GRID2: variants seen among roughly 807,000 people sequenced by gnomAD.
GRID2 encodes the protein glutamate ionotropic receptor delta type subunit 2.
GRID2 carries 33 observed loss-of-function variants against 114.8 expected under a neutral mutation model. That is an observed-to-expected ratio of 0.29 (90% CI 0.22 to 0.38). The LOEUF (loss-of-function observed/expected upper bound fraction) is 0.38, where lower values mean the gene tolerates loss of function less well. Among genes scored for constraint, GRID2 ranks in the 10% least tolerant of loss-of-function variants. GRID2 has a pLI of 1.00. For synonymous variants in GRID2, 505 were observed against 449.9 expected (o/e 1.12, Z -1.55); for missense variants, 1,184 against 1,257.7 (o/e 0.94, Z 0.89).
chr4:92,612,056 C>T (rs1280542441), intron 2 of GRID2, among the ~76,000 whole-genome samples: 2 of 151,198 alleles, frequency 1.3e-5, no homozygotes, highest in African/African-American at 4.8e-5. Flanking sequence ...AGAATATATT[C>T]CAAGGTCATT....
At chr4:92,753,707 C>A (rs1325459405) in intron 2 of GRID2, among the ~76,000 whole-genome samples, 1 of 152,048 alleles carries the variant, frequency 6.6e-6, no homozygotes, top group Non-Finnish European at 1.5e-5. Flanking sequence ...GGCTGGAAAC[C>A]AGGACCTCTA....
chr4:93,377,854 GA>G (rs376335886), intron 8 of GRID2, among the ~76,000 whole-genome samples: 1,631 of 146,578 alleles, frequency 0.011, 16 homozygotes, highest in South Asian at 0.049. Context: ...AAGCATTCTG[GA>G]AAAAAAAAAT....
intron 13 of GRID2, among the ~76,000 whole-genome samples, chr4:93,604,427 G>A (rs1381086172): frequency 1.3e-5 from 2 of 152,182 alleles, no homozygotes; most frequent in Non-Finnish European, 2.9e-5. Context: ...TTATGGAAGA[G>A]CAAAGGAAAT....
intron 2 of GRID2, among the ~76,000 whole-genome samples, chr4:93,025,509 A>T (rs1723799194): frequency 6.6e-6 from 1 of 151,776 alleles, no homozygotes; most frequent in African/African-American, 2.4e-5. Flanking sequence ...TTGTCAATTG[A>T]TGATGGTACA....
At chr4:93,517,251 A>G (rs1729822405) in intron 13 of GRID2, among the ~76,000 whole-genome samples, 1 of 152,088 alleles carries the variant, frequency 6.6e-6, no homozygotes, top group African/African-American at 2.4e-5. Flanking sequence ...TGTAATTTAA[A>G]GCTTTATTGT....
chr4:93,257,004 AT>A (rs1749673163), intron 8 of GRID2, among the ~76,000 whole-genome samples: 1 of 151,868 alleles, frequency 6.6e-6, no homozygotes, highest in African/African-American at 2.4e-5. Flanking sequence ...TTATTTGCTT[AT>A]TTTTTGATGC....
chr4:93,189,403 T>G (rs568826032), intron 4 of GRID2, among the ~76,000 whole-genome samples: 1 of 152,074 alleles, frequency 6.6e-6, no homozygotes, highest in African/African-American at 2.4e-5. Flanking sequence ...CACATTTGTT[T>G]ATAAGTTCAC....
At chr4:93,277,492 T>C (rs898152605) in intron 8 of GRID2, among the ~76,000 whole-genome samples, 1 of 151,946 alleles carries the variant, frequency 6.6e-6, no homozygotes, top group African/African-American at 2.4e-5. Context: ...ATAATATCTC[T>C]GTGGTCAGTT....
At chr4:92,829,824 A>G (rs1384010584) in intron 2 of GRID2, among the ~76,000 whole-genome samples, 2 of 152,078 alleles carry the variant, frequency 1.3e-5, no homozygotes, top group Non-Finnish European at 2.9e-5. Flanking sequence ...CAGCAAACTA[A>G]CACAGCAATG....
intron 13 of GRID2, among the ~76,000 whole-genome samples, chr4:93,594,415 A>C (rs1738797119): frequency 6.6e-6 from 1 of 152,230 alleles, no homozygotes. Flanking sequence ...GCCCATTCTC[A>C]GATCTCCAGC....
chr4:93,218,627 G>A lies in GRID2; in HGVS notation c.963+1716G>A, dbSNP rs72666935. ...GCTTTGGATCTGTGTGAATATATAT[G>A]TTTGAATGTAATTAAGGAGAAGGCA... On this transcript the variant is annotated intron_variant, in intron 6 of 15. Transcript: ENST00000282020. 3.3e-3 allele frequency among the ~76,000 whole-genome samples: 498 copies of A among 152,210 alleles called. 1 individual carries two copies. The highest frequency in any genetic ancestry group is 5.4e-3 in the Non-Finnish European group (367 of 68,018).
At chr4:93,707,546 A>ATCT (rs142469687) in intron 14 of GRID2, among the ~76,000 whole-genome samples, 6,375 of 151,990 alleles carry the variant, frequency 0.042, 215 homozygotes, top group African/African-American at 0.084. Context: ...CAGTTGCAAC[A>ATCT]TCTTTTTCAC....
chr4:92,464,402 T>A (rs1433574678), intron 1 of GRID2, among the ~76,000 whole-genome samples: 1 of 152,100 alleles, frequency 6.6e-6, no homozygotes, highest in Admixed American at 6.6e-5. Flanking sequence ...ATGTTAGAAA[T>A]AAAGCTCTAG....
intron 2 of GRID2, among the ~76,000 whole-genome samples, chr4:92,758,338 T>C (rs1347308705): frequency 6.6e-6 from 1 of 151,982 alleles, no homozygotes; most frequent in African/African-American, 2.4e-5. Flanking sequence ...CATTTTGTTT[T>C]TCTTTCACTC....
intron 8 of GRID2, among the ~76,000 whole-genome samples, chr4:93,262,047 G>A (rs965093507): frequency 2.6e-5 from 4 of 151,218 alleles, no homozygotes; most frequent in African/African-American, 2.4e-5. Flanking sequence ...AAGAAACTTG[G>A]AGAAATAAAA....
intron 1 of GRID2, among the ~76,000 whole-genome samples, chr4:92,553,966 A>G (rs1376390620): frequency 6.6e-6 from 1 of 152,072 alleles, no homozygotes; most frequent in Non-Finnish European, 1.5e-5. Flanking sequence ...TAACATTTTT[A>G]TTTATCTCAG....
rs769415273 is a variant in GRID2, at chr4:93,478,126, CAGTGGGAATTTTAT to C, written c.1859-12511_1859-12498del. ...CTTTTTTTCCCTAGCTCTTTAGAAACAGTGGGAATTTTATACAGGCTAGAGTAACAAAAACATTG... is the reference window on the plus strand; with the variant it reads ...CTTTTTTTCCCTAGCTCTTTAGAAACACAGGCTAGAGTAACAAAAACATTG... On this transcript the variant is annotated intron_variant, in intron 11 of 15. Transcript: ENST00000282020. 3.7e-3 allele frequency among the ~76,000 whole-genome samples: 568 copies of C among 152,006 alleles called. 4 individuals are homozygous for C. The highest frequency in any genetic ancestry group is 5.9e-3 in the Non-Finnish European group (403 of 67,960).
At chr4:93,016,079 G>A (rs535905802) in intron 2 of GRID2, among the ~76,000 whole-genome samples, 2 of 151,436 alleles carry the variant, frequency 1.3e-5, no homozygotes, top group African/African-American at 4.9e-5. Flanking sequence ...GTGTGTGTGT[G>A]TGTGTTTAAA....
At chr4:93,431,934 A>G (rs117343933) in intron 10 of GRID2, among the ~76,000 whole-genome samples, 2 of 152,340 alleles carry the variant, frequency 1.3e-5, no homozygotes, top group East Asian at 3.9e-4. Flanking sequence ...TGAATATAAT[A>G]TAATGAGAAT....
Sources: allele counts gnomAD v4.1 joint callset (sites outside exome capture counted in the v4.1 genomes callset), GRCh38; gene constraint gnomAD v4.1.1; transcripts MANE v1.5; gene names NCBI Gene and HGNC (gene_info 2026-07-23, HGNC 2026-07-21).